Variants in PURG observed in about 807,000 individuals in gnomAD.
The protein encoded by PURG is purine-rich element-binding protein gamma.
Under a neutral mutation model 24.3 loss-of-function variants are expected in PURG, and 3 were observed. That is an observed-to-expected ratio of 0.12 (90% CI 0.06 to 0.32). The LOEUF is 0.32. Among genes scored for constraint, PURG ranks in the 10% least tolerant of loss-of-function variants. The probability of loss-of-function intolerance (pLI) is 1.00; values close to 1 mark genes in which losing one functional copy is unlikely to be tolerated. For missense variants in PURG, 371 were observed against 439.1 expected, an observed-to-expected ratio of 0.84 and a Z score of 1.39; for synonymous variants, 180 against 173.1, an observed-to-expected ratio of 1.04 and a Z score of -0.31.
At chr8:31,029,404 T>C (rs1002291737), downstream of PURG, among the ~76,000 whole-genome samples, 2 of 151,758 alleles carry the variant, frequency 1.3e-5, no homozygotes, top group African/African-American at 2.4e-5. Context: ...GAAAACTAAA[T>C]TTAATAATGT....
chr8:31,015,894 T>TA (rs980633070), intron 1 of PURG, among the ~76,000 whole-genome samples: 15 of 150,790 alleles, frequency 9.9e-5, no homozygotes, highest in East Asian at 5.8e-4. Context: ...TTACAAAAAA[T>TA]AAAAAAAAAT....
At chr8:31,028,885 T>C (rs1306732243), downstream of PURG, among the ~76,000 whole-genome samples, 1 of 151,842 alleles carries the variant, frequency 6.6e-6, no homozygotes, top group East Asian at 1.9e-4. Context: ...TTTAGAATTA[T>C]ACAGTGAACT....
In PURG at chr8:31,032,738, G is replaced by A. The variant is rs1351359270; in HGVS notation, c.45C>T (p.Arg15=). ...RRRGGGGGRG[R]GGKNVGGSGL... Reference sequence around the variant, plus strand: ...CAGAGCCCCCTACATTCTTGCCTCCGCGGCCGCGGCCGCCGCCGCCTCCCC... The same window carrying A: ...CAGAGCCCCCTACATTCTTGCCTCCACGGCCGCGGCCGCCGCCGCCTCCCC... Residue 15 remains arginine (R), a synonymous_variant, in exon 2 of 2, where the codon CGC becomes CGT. Coordinates refer to ENST00000523392, the MANE Select transcript of PURG (RefSeq NM_001323311.2). This position sits in a 1 kb window ranked among gnomAD's most constrained non-coding sequence, Gnocchi z 5.9. 2 of 1,438,402 alleles carry A rather than the reference G, an allele frequency of 1.4e-6. No individual in the cohort carries two copies. The highest frequency in any genetic ancestry group is 1.8e-6 in the Non-Finnish European group (2 of 1,092,582). The allele number at this position is 1,438,402 out of a possible 1,614,324, so 89.1% of individuals were successfully genotyped here.
At chr8:31,003,389 A>ATT (rs150119956) in intron 1 of PURG, among the ~76,000 whole-genome samples, 35 of 150,258 alleles carry the variant, frequency 2.3e-4, no homozygotes, top group South Asian at 2.3e-3. Context: ...GGGTACCATT[A>ATT]TTTTTTTTTT....
chr8:31,003,959 T>C (rs1237385634), intron 1 of PURG, among the ~76,000 whole-genome samples: 6 of 152,216 alleles, frequency 3.9e-5, no homozygotes, highest in African/African-American at 1.4e-4. Flanking sequence ...TCCTTTATTA[T>C]GTCAAAATTC....
chr8:31,018,828 G>A (rs1810922066), intron 1 of PURG, among the ~76,000 whole-genome samples: 1 of 151,794 alleles, frequency 6.6e-6, no homozygotes, highest in Admixed American at 6.6e-5. Context: ...CAGCATTAAG[G>A]TTTATATATA....
chr8:31,033,006 G>C (rs1811281527), intron 1 of PURG, 72 bp downstream of exon 1: 1 of 176,154 alleles, frequency 5.7e-6, no homozygotes, highest in Non-Finnish European at 1.1e-5. Flanking sequence ...CCGCCCCCGG[G>C]GCCGCTCCCG....
chr8:31,004,508 T>C (rs1247326746), intron 1 of PURG, among the ~76,000 whole-genome samples: 1 of 151,986 alleles, frequency 6.6e-6, no homozygotes, highest in African/African-American at 2.4e-5. Context: ...CCAGCCTGGC[T>C]AACATGGTGA....
intron 1 of PURG, among the ~76,000 whole-genome samples, chr8:31,008,847 C>T (rs1437329355): frequency 1.3e-5 from 2 of 152,192 alleles, no homozygotes; most frequent in African/African-American, 4.8e-5. Flanking sequence ...ACACCAAGGT[C>T]TGTTCTGTTT....
chr8:31,028,576 AT>A (rs929237491), downstream of PURG, among the ~76,000 whole-genome samples: 1 of 151,826 alleles, frequency 6.6e-6, no homozygotes, highest in African/African-American at 2.4e-5. Context: ...CCTGTCATTT[AT>A]TTTTTTGGCC....
chr8:31,019,144 A>G (rs1810934246), intron 1 of PURG, among the ~76,000 whole-genome samples: 1 of 43,572 alleles, frequency 2.3e-5, no homozygotes, highest in African/African-American at 6.1e-5. Context: ...AAAAAAAAAA[A>G]AAAAAAAAAA....
chr8:31,027,779 TC>T (rs1428792947), downstream of PURG, among the ~76,000 whole-genome samples: 1 of 151,742 alleles, frequency 6.6e-6, no homozygotes, highest in East Asian at 1.9e-4. Context: ...GCAACAGTTA[TC>T]TAGTTTTCAA....
intron 1 of PURG, among the ~76,000 whole-genome samples, chr8:31,025,687 A>G (rs1811076419): frequency 6.6e-6 from 1 of 151,916 alleles, no homozygotes; most frequent in South Asian, 2.1e-4. Context: ...TAGAAAAGTC[A>G]TATCAAAATG....
chr8:31,032,204 A>C lies in PURG; in HGVS notation c.579T>G (p.Gly193=), dbSNP rs1811228162. The C allele has an allele frequency of 6.2e-7, 1 of 1,613,656 alleles. No individual in the cohort carries two copies. Among genetic ancestry groups the C allele is most frequent in the African/African-American group, 1.3e-5 (1 of 74,838 alleles). ...TGGTTTGTCTAATCCGTAGGAAGCG[A>C]CCCCGCTGATTTTCCTTTAGGTCTA... is the stretch of plus-strand genomic sequence containing the variant. ...YYLDLKENQR[G]RFLRIRQTMM... The change falls in exon 2 of 2, where the codon GGT becomes GGG. Residue 193 remains glycine, a synonymous_variant. Transcript: ENST00000523392. The surrounding 1 kb of genome is among the most constrained non-coding windows in gnomAD (Gnocchi z 5.9).
intron 1 of PURG, among the ~76,000 whole-genome samples, chr8:31,009,576 A>G (rs1193241252): frequency 6.6e-6 from 1 of 152,224 alleles, no homozygotes; most frequent in Non-Finnish European, 1.5e-5. Flanking sequence ...TTTACTTAAC[A>G]GCAATTCCTA....
At chr8:31,013,610 G>A (rs1427825747) in intron 1 of PURG, among the ~76,000 whole-genome samples, 3 of 152,164 alleles carry the variant, frequency 2.0e-5, no homozygotes, top group Non-Finnish European at 4.4e-5. Context: ...GGTGGCGGGC[G>A]CCTGTAATCC....
chr8:31,021,975 T>C lies in PURG; in HGVS notation c.864+9944A>G, dbSNP rs563810489. 1.3e-3 allele frequency among the ~76,000 whole-genome samples: 190 copies of C among 150,590 alleles called. 2 individuals are homozygous for C. Among genetic ancestry groups the C allele is most frequent in the South Asian group, 3.6e-3 (17 of 4,768 alleles). On this transcript the variant is annotated intron_variant, in intron 1 of 1. Transcript: ENST00000339382. The stretch of plus-strand genomic sequence containing the variant: ...AGGGACCAAATTCATTTCTTTCTTT[T>C]TTTTTTTTTTTTTGAGATGGCGTCT...
rs1320521983 is a variant in PURG at position 31,016,577 on chromosome 8, GAACCAAAAAAAAA to G, written c.864+15329_864+15341del. On this transcript the variant is annotated intron_variant, in intron 1 of 1. Transcript: ENST00000339382. ...GGAAGAAAGAATGCAAGTCTACCAAGAACCAAAAAAAAAAAAAAAAAAAAAAAAAAAAGAAAGA... is the reference window on the plus strand; with the variant it reads ...GGAAGAAAGAATGCAAGTCTACCAAGAAAAAAAAAAAAAAAAAAAGAAAGA... Among the ~76,000 whole-genome samples the G allele has an allele frequency of 6.3e-3, 235 of 37,342 alleles. 2 individuals are homozygous for G. Among genetic ancestry groups the G allele is most frequent in the Non-Finnish European group, 9.1e-3 (176 of 19,346 alleles). 24.5% of individuals were successfully genotyped at this position (37,342 alleles called of 152,430 possible).
chr8:31,021,974 T>TC (rs1195972136), intron 1 of PURG, among the ~76,000 whole-genome samples: 15 of 149,538 alleles, frequency 1.0e-4, no homozygotes, highest in African/African-American at 2.4e-4. Context: ...TTTCTTTCTT[T>TC]TTTTTTTTTT....
Sources: gnomAD v4.1 joint callset for allele counts (sites outside exome capture counted in the v4.1 genomes callset) on GRCh38, gnomAD v4.1.1 for gene constraint, Gnocchi (gnomAD v3.1) non-coding constraint, MANE v1.5 for transcripts, NCBI Gene and HGNC (gene_info 2026-07-23, HGNC 2026-07-21) for gene names.